The following RMND5A variants were observed in gnomAD, a reference collection of about 807,000 sequenced individuals.
RMND5A encodes the protein required for meiotic nuclear division 5 homolog A, also known as E3 ubiquitin-protein transferase RMND5A.
In RMND5A, 17 loss-of-function variants were observed where a neutral mutation model predicts 49.7. That is an observed-to-expected ratio of 0.34 (90% confidence interval 0.23 to 0.51). The LOEUF (loss-of-function observed/expected upper bound fraction) is 0.51, where lower values mean the gene tolerates loss of function less well. RMND5A is among the 20% of genes least tolerant of loss of function. RMND5A has a pLI of 0.96. For missense variants in RMND5A, 255 were observed against 471.3 expected (o/e 0.54, Z 4.25); for synonymous variants, 156 against 167.7 (o/e 0.93, Z 0.54).
intron 2 of RMND5A, among the ~76,000 whole-genome samples, chr2:86,749,054 G>T (rs905985863): frequency 2.6e-5 from 4 of 152,146 alleles, no homozygotes; most frequent in African/African-American, 9.7e-5. Flanking sequence ...CAGATCTTTA[G>T]AAACCCATTC....
At chr2:86,762,662 T>A (rs529142387) in intron 4 of RMND5A, among the ~76,000 whole-genome samples, 17 of 134,424 alleles carry the variant, frequency 1.3e-4, no homozygotes, top group African/African-American at 4.9e-4. Context: ...AAAAATATTT[T>A]TTTATATATA....
intron 7 of RMND5A, 52 bp downstream of exon 7, chr2:86,770,177 T>C (rs766434135): frequency 7.3e-6 from 9 of 1,232,044 alleles, no homozygotes; most frequent in Non-Finnish European, 9.6e-6. Flanking sequence ...TAGAAGAATA[T>C]GGCATCTTTA....
intron 2 of RMND5A, among the ~76,000 whole-genome samples, chr2:86,747,948 C>T (rs1681567022): frequency 6.6e-6 from 1 of 152,126 alleles, no homozygotes; most frequent in Non-Finnish European, 1.5e-5. Context: ...ATGGACACAC[C>T]CTTGGATGTG....
intron 4 of RMND5A, among the ~76,000 whole-genome samples, chr2:86,758,364 A>AT (rs76252434): frequency 0.02 from 2,853 of 143,676 alleles, 40 homozygotes; most frequent in African/African-American, 0.047. Context: ...ATATAGAACT[A>AT]TTTTTTTTTT....
chr2:86,760,274 C>G (rs746705295), intron 4 of RMND5A, among the ~76,000 whole-genome samples: 1 of 152,198 alleles, frequency 6.6e-6, no homozygotes, highest in Non-Finnish European at 1.5e-5. Context: ...AAACTCCCAG[C>G]ATCAGGTGGT....
At chr2:86,760,203 C>T (rs1375494869) in intron 4 of RMND5A, among the ~76,000 whole-genome samples, 1 of 152,152 alleles carries the variant, frequency 6.6e-6, no homozygotes, top group Non-Finnish European at 1.5e-5. Context: ...CGCCACCACA[C>T]CCGACTAATT....
chr2:86,753,681 C>G, intron 4 of RMND5A, 123 bp downstream of exon 4: 1 of 500,104 alleles, frequency 2.0e-6, no homozygotes, highest in Non-Finnish European at 3.5e-6. Flanking sequence ...TCAGAGAAAT[C>G]AAAGGAGAAT....
chr2:86,770,731 G>T (rs960614935), intron 7 of RMND5A, among the ~76,000 whole-genome samples: 2 of 152,236 alleles, frequency 1.3e-5, no homozygotes, highest in African/African-American at 4.8e-5. Context: ...TTATGGGGCT[G>T]CTGAAGGCTA....
In RMND5A at chr2:86,749,291, A is replaced by T. The variant is rs563581724; in HGVS notation, c.286-2605A>T. 5.9e-5 allele frequency among the ~76,000 whole-genome samples: 9 copies of T among 152,374 alleles called. No homozygotes were observed. In the South Asian group the frequency reaches 1.9e-3, roughly 32 times the overall value. On this transcript the variant is annotated intron_variant, in intron 2 of 8. Coordinates refer to ENST00000283632, the MANE Select transcript of RMND5A (RefSeq NM_022780.4). ...ATAAATAGAAATTAAACATAATCTT[A>T]TACAAGCAGTTGTGGTTCTTCAGTG...
intron 6 of RMND5A, among the ~76,000 whole-genome samples, chr2:86,767,425 CTTTTTTT>C (rs11468234): frequency 7.2e-6 from 1 of 139,522 alleles, no homozygotes; most frequent in African/African-American, 2.7e-5. Context: ...TTTTGGCAGT[CTTTTTTT>C]TTTTTTTTTT....
chr2:86,745,162 A>G (rs376987199), intron 2 of RMND5A, among the ~76,000 whole-genome samples: 1 of 152,236 alleles, frequency 6.6e-6, no homozygotes, highest in Non-Finnish European at 1.5e-5. Context: ...AGAAAAGTCA[A>G]TAAAAATGAT....
chr2:86,753,372 AT>A (rs1247297961), intron 3 of RMND5A, 85 bp from the exon 4 acceptor site: 9 of 758,620 alleles, frequency 1.2e-5, no homozygotes, highest in Non-Finnish European at 2.0e-5. Context: ...CTTGCCCCAT[AT>A]TTTACAATCT....
At chr2:86,769,354 G>C (rs1672649862) in intron 6 of RMND5A, among the ~76,000 whole-genome samples, 1 of 152,180 alleles carries the variant, frequency 6.6e-6, no homozygotes, top group Admixed American at 6.5e-5. Context: ...GAGTATCATT[G>C]TTCTAATTAG....
intron 4 of RMND5A, among the ~76,000 whole-genome samples, chr2:86,754,676 C>T (rs1039736611): frequency 6.6e-6 from 1 of 152,088 alleles, no homozygotes; most frequent in Non-Finnish European, 1.5e-5. Context: ...CCGCCTTAGC[C>T]TCCTGAGTAG....
chr2:86,758,657 T>G (rs1185158006), intron 4 of RMND5A, among the ~76,000 whole-genome samples: 1 of 152,194 alleles, frequency 6.6e-6, no homozygotes, highest in Non-Finnish European at 1.5e-5. Flanking sequence ...ATAGTTTGTG[T>G]GGTTTCTTAA....
intron 1 of RMND5A, among the ~76,000 whole-genome samples, chr2:86,733,090 A>C (rs2138394): frequency 2.9e-4 from 20 of 69,682 alleles, no homozygotes; most frequent in Admixed American, 4.6e-4. Context: ...TACTGTGTAG[A>C]AGATGCTAAA....
rs1314970483 is a variant in RMND5A at position 86,720,605 on chromosome 2, G to A, written c.-63G>A. ...CGAGGAGCAGGACGCGGCCTCGGTGGGGCCCGGGCCGAACGGCTGCGGACA... is the reference window on the plus strand; with the variant it reads ...CGAGGAGCAGGACGCGGCCTCGGTGAGGCCCGGGCCGAACGGCTGCGGACA... On this transcript the variant is annotated 5_prime_UTR_variant, in exon 1 of 9. Transcript: ENST00000283632. 7.3e-7 allele frequency: 1 copy of A among 1,362,662 alleles called. No individual in the cohort carries two copies. The highest frequency in any genetic ancestry group is 9.5e-7 in the Non-Finnish European group (1 of 1,047,756). The allele number at this position is 1,362,662 out of a possible 1,614,324, so 84.4% of individuals were successfully genotyped here.
rs1201216555 is a variant in RMND5A at position 86,736,332 on chromosome 2, C to T, written c.143-4595C>T. 1.2e-4 allele frequency among the ~76,000 whole-genome samples: 14 copies of T among 116,612 alleles called. 1 individual carries two copies. The highest frequency in any genetic ancestry group is 3.3e-4 in the African/African-American group (11 of 33,584). 76.5% of individuals were successfully genotyped at this position (116,612 alleles called of 152,430 possible). A position where few individuals can be genotyped will look rare whatever the true frequency, so the allele number is the denominator to read the frequency against. ...CCTAGAAGCTTGGACTGTGGGCGTG[C>T]ACCACCACCCCCTGCTAATTTTTGT... On this transcript the variant is annotated intron_variant, in intron 1 of 8. Transcript: ENST00000283632.
intron 4 of RMND5A, among the ~76,000 whole-genome samples, chr2:86,761,131 G>A (rs894185017): frequency 6.6e-6 from 1 of 152,140 alleles, no homozygotes; most frequent in Non-Finnish European, 1.5e-5. Context: ...CAGAAGTTGT[G>A]AATTGACTAA....
Sources: allele counts gnomAD v4.1 joint callset (sites outside exome capture counted in the v4.1 genomes callset), GRCh38; gene constraint gnomAD v4.1.1; transcripts MANE v1.5; gene names NCBI Gene and HGNC (gene_info 2026-07-23, HGNC 2026-07-21).